ACAA2: variants seen among roughly 807,000 people sequenced by gnomAD.
ACAA2 encodes the protein 3-ketoacyl-CoA thiolase, mitochondrial.
A neutral mutation model predicts 44.8 loss-of-function variants in ACAA2; 35 were observed. The ratio of observed to expected loss-of-function variants is 0.78; its 90% CI spans 0.60 to 1.04. The LOEUF (loss-of-function observed/expected upper bound fraction) is 1.04. Among genes scored for constraint, ACAA2 ranks in the 50% least tolerant of loss-of-function variants. The probability of loss-of-function intolerance (pLI) is 0.00; values close to 1 mark genes in which losing one functional copy is unlikely to be tolerated. For missense variants in ACAA2, 468 were observed against 482.6 expected, an observed-to-expected ratio of 0.97 and a Z score of 0.28; for synonymous variants, 142 against 166.5, an observed-to-expected ratio of 0.85 and a Z score of 1.13.
chr18:49,809,005 A>G (rs958133034), intron 1 of ACAA2, among the ~76,000 whole-genome samples: 1 of 152,128 alleles, frequency 6.6e-6, no homozygotes. Flanking sequence ...ACACTCCCAG[A>G]GCGGCCATTT....
At chr18:49,787,386 TA>T in intron 7 of ACAA2, 25 bp from the exon 8 acceptor site, 1 of 1,341,136 alleles carries the variant, frequency 7.5e-7, no homozygotes, top group Non-Finnish European at 9.7e-7. Flanking sequence ...AAATCTTCTA[TA>T]AAAATATAGA....
At chr18:49,802,484 C>T (rs1443051522) in intron 2 of ACAA2, among the ~76,000 whole-genome samples, 1 of 151,522 alleles carries the variant, frequency 6.6e-6, no homozygotes, top group Admixed American at 6.6e-5. Flanking sequence ...ATTGCTTGAA[C>T]CCGGGAGGCG....
At chr18:49,802,561 A>C in intron 2 of ACAA2, 126 bp downstream of exon 2, 1 of 270,862 alleles carries the variant, frequency 3.7e-6, no homozygotes, top group African/African-American at 9.0e-5. Flanking sequence ...ACTCCATCTC[A>C]AAAAAAAAAA....
intron 3 of ACAA2, 146 bp from the exon 4 acceptor site, chr18:49,796,027 T>A: frequency 1.8e-6 from 1 of 560,016 alleles, no homozygotes; most frequent in Non-Finnish European, 3.2e-6. Context: ...GCTTTTAAAG[T>A]AACTGTAAAG....
At chr18:49,803,415 T>A (rs1020991940) in intron 1 of ACAA2, among the ~76,000 whole-genome samples, 2 of 152,148 alleles carry the variant, frequency 1.3e-5, no homozygotes, top group African/African-American at 4.8e-5. Flanking sequence ...GCTTGATCTA[T>A]CACCATCCTT....
intron 8 of ACAA2, 57 bp downstream of exon 8, chr18:49,787,234 A>AAAAGTACATGGTTTATTCATGT: frequency 7.5e-7 from 1 of 1,326,162 alleles, no homozygotes; most frequent in South Asian, 1.7e-5. Flanking sequence ...TTTATGCTAT[A>AAAAGTACATGGTTTATTCATGT]AAAGTACATG....
Position 49,792,339 on chromosome 18 carries a change from TAGAG to T in ACAA2, c.578-16_578-13del, listed in dbSNP as rs762725005. 8.8e-6 allele frequency: 14 copies of T among 1,599,348 alleles called. No individual in the cohort carries two copies. The highest frequency in any genetic ancestry group is 3.6e-4 in the Middle Eastern group (2 of 5,626). On this transcript the variant is annotated splice_polypyrimidine_tract_variant and intron_variant, in intron 5 of 9. Transcript: ENST00000285093. ...GCCAGCATCATTAGCTGAAAAATAGTAGAGAGACTATCATAAGAATAAAAGAGAG... is the reference window on the plus strand; with the variant it reads ...GCCAGCATCATTAGCTGAAAAATAGTAGACTATCATAAGAATAAAAGAGAG...
chr18:49,810,692 TG>T (rs1459648752), intron 1 of ACAA2, among the ~76,000 whole-genome samples: 1 of 151,760 alleles, frequency 6.6e-6, no homozygotes, highest in Non-Finnish European at 1.5e-5. Context: ...GGGTTTTTTT[TG>T]TTTGTTTGTT....
Position 49,802,809 on chromosome 18 carries a change from C to T in ACAA2, c.61G>A (p.Gly21Arg), listed in dbSNP as rs147007453. The T allele has an allele frequency of 3.0e-5, 49 of 1,614,094 alleles. No homozygotes were observed. The highest frequency in any genetic ancestry group is 1.6e-4 in the African/African-American group (12 of 75,022). ...GCAGTGAAGTCTTTCAGAAGGCCTCCGTAAGCTCCAAAGGGCGTTCGCTTA... is the reference window on the plus strand; with the variant it reads ...GCAGTGAAGTCTTTCAGAAGGCCTCTGTAAGCTCCAAAGGGCGTTCGCTTA... ...AAKRTPFGAY[G>R]GLLKDFTATD... Residue 21 changes from glycine (G) to arginine (R), a missense_variant, in exon 2 of 10, where the codon GGA becomes AGA. Transcript: ENST00000285093.
chr18:49,792,102 T>A lies in ACAA2; in HGVS notation c.753+50A>T, dbSNP rs1281722172. On this transcript the variant is annotated intron_variant, in intron 6 of 9. Transcript: ENST00000285093. ...TTACAAGATACTTCATGATTACTTT[T>A]GTTGAACACACCAGGAAGAATTCAA... 4 of 1,488,264 alleles carry A rather than the reference T, an allele frequency of 2.7e-6. No homozygotes were observed. The East Asian group carries it at 6.8e-5, about 25-fold the overall frequency. 92.2% of individuals were successfully genotyped at this position (1,488,264 alleles called of 1,614,324 possible).
At chr18:49,786,077 TAAGG>T (rs2023325640) in intron 8 of ACAA2, 1 of 152,186 alleles carries the variant, frequency 6.6e-6, no homozygotes. Flanking sequence ...ATTTTATAGA[TAAGG>T]AAACTCATTC....
chr18:49,799,680 T>C (rs1467092040), intron 2 of ACAA2, among the ~76,000 whole-genome samples: 1 of 150,056 alleles, frequency 6.7e-6, no homozygotes, highest in Non-Finnish European at 1.5e-5. Flanking sequence ...CCACCCATCG[T>C]CTGGGATGTG....
At chr18:49,787,451 GA>G in intron 7 of ACAA2, 90 bp from the exon 8 acceptor site, 2 of 972,780 alleles carry the variant, frequency 2.1e-6, no homozygotes, top group Non-Finnish European at 2.8e-6. Flanking sequence ...TCCAAGTAAG[GA>G]AGAAATAATG....
In ACAA2 at chr18:49,785,212, A is replaced by G. The variant is rs749704067; in HGVS notation, c.1094T>C (p.Leu365Pro). The change falls in exon 9 of 10, where the codon CTG (leucine) becomes CCG (proline). Residue 365 changes from leucine (L) to proline (P), a missense_variant. Transcript: ENST00000285093. ...TAGCAAATACCTTAATTCGTGAACC[A>G]GGTGTGCAGTAATTCTTGATCCAGA... ...GGSGSRITAHLVHELRRRGGK... is the reference protein window; with the variant it reads ...GGSGSRITAHPVHELRRRGGK... 1.2e-6 allele frequency: 2 copies of G among 1,609,820 alleles called. No homozygotes were observed. The highest frequency in any genetic ancestry group is 2.2e-5 in the South Asian group (2 of 90,370).
chr18:49,812,667 C>T (rs2023683900), intron 1 of ACAA2: 1 of 152,176 alleles, frequency 6.6e-6, no homozygotes, highest in South Asian at 2.1e-4. Context: ...CAGATCCTGT[C>T]ATTACCCCGC....
intron 4 of ACAA2, 95 bp from the exon 5 acceptor site, chr18:49,794,522 CAAAA>C (rs1403221818): frequency 1.7e-5 from 18 of 1,044,008 alleles, no homozygotes; most frequent in Admixed American, 3.8e-5. Flanking sequence ...TTCCAATAAA[CAAAA>C]GTAAAATTAA....
rs2023278425 is a variant in ACAA2 at position 49,782,547 on chromosome 18, C to CTCAAA, written c.*1299_*1300insTTTGA. The CTCAAA allele has an allele frequency of 3.2e-5, 4 of 124,886 alleles. No homozygotes were observed. The highest frequency in any genetic ancestry group is 6.6e-5 in the Non-Finnish European group (4 of 60,444). 7.7% of individuals were successfully genotyped at this position (124,886 alleles called of 1,614,324 possible). On this transcript the variant is annotated 3_prime_UTR_variant, in exon 10 of 10. Coordinates refer to ENST00000285093, the MANE Select transcript of ACAA2 (RefSeq NM_006111.3). The stretch of plus-strand genomic sequence containing the variant: ...TGGGTGACAGAGCAAGATGCTATCT[C>CTCAAA]AAAAAAAAAAAAAAAAGGCCGGGTG...
At chr18:49,809,745 G>A (rs1327175505) in intron 1 of ACAA2, among the ~76,000 whole-genome samples, 1 of 152,208 alleles carries the variant, frequency 6.6e-6, no homozygotes, top group East Asian at 1.9e-4. Flanking sequence ...GTGAATCACA[G>A]ATGATGTTTA....
chr18:49,813,093 C>A (rs966315521), intron 1 of ACAA2: 1 of 189,876 alleles, frequency 5.3e-6, no homozygotes, highest in Middle Eastern at 1.9e-3. Context: ...GGCTCCTGTG[C>A]GCAGCTGCCC....
Sources: gnomAD v4.1 joint callset for allele counts (sites outside exome capture counted in the v4.1 genomes callset) on GRCh38, gnomAD v4.1.1 for gene constraint, MANE v1.5 for transcripts, NCBI Gene and HGNC (gene_info 2026-07-23, HGNC 2026-07-21) for gene names.